Variants in RTKN observed in about 807,000 individuals in gnomAD.
RTKN encodes rhotekin.
RTKN carries 49 observed loss-of-function variants against 63.5 expected under a neutral mutation model. The ratio of observed to expected loss-of-function variants is 0.77; its 90% confidence interval spans 0.61 to 0.98. The LOEUF (loss-of-function observed/expected upper bound fraction) is 0.98. Ranked by LOEUF, RTKN falls within the 50% of genes least tolerant of loss-of-function variation. RTKN has a pLI of 0.00. For missense variants in RTKN, 685 were observed against 740.8 expected (o/e 0.92, Z 0.87); for synonymous variants, 295 against 290.4 (o/e 1.02, Z -0.16).
intron 6 of RTKN, among the ~76,000 whole-genome samples, chr2:74,429,351 G>C (rs1306212276): frequency 2.0e-5 from 3 of 152,244 alleles, no homozygotes; most frequent in African/African-American, 7.2e-5. Context: ...CCCATGCGGT[G>C]TCTCCAGGTG....
rs1670566458 is a variant in RTKN at position 74,428,744 on chromosome 2, G to C, written c.851-7C>G. Reference sequence around the variant, plus strand: ...AGCCAGGCAGGGTTCTCCTCTGGGGGAGGAGGAAGTGCAGGGTGAGGTAGG... The same window carrying C: ...AGCCAGGCAGGGTTCTCCTCTGGGGCAGGAGGAAGTGCAGGGTGAGGTAGG... On this transcript the variant is annotated splice_polypyrimidine_tract_variant and splice_region_variant and intron_variant, in intron 7 of 11. Coordinates refer to ENST00000272430, the MANE Select transcript of RTKN (RefSeq NM_001015055.2). 2 of 1,612,996 alleles carry C rather than the reference G, an allele frequency of 1.2e-6. No individual in the cohort carries two copies. Among genetic ancestry groups the C allele is most frequent in the Non-Finnish European group, 1.7e-6 (2 of 1,179,386 alleles).
Position 74,432,396 on chromosome 2 carries a change from C to G in RTKN, c.311+71G>C, listed in dbSNP as rs554626098. ...TTTAAGGTGGTCCACATGCCACACA[C>G]GCACATGCTGCACCACCACCACCCA... is the stretch of plus-strand genomic sequence containing the variant. On this transcript the variant is annotated intron_variant, in intron 2 of 11. Coordinates refer to ENST00000272430, the MANE Select transcript of RTKN (RefSeq NM_001015055.2). 2.8e-6 allele frequency: 4 copies of G among 1,404,260 alleles called. No homozygotes were observed. In the East Asian group the frequency reaches 6.8e-5, roughly 24 times the overall value. The allele number at this position is 1,404,260 out of a possible 1,614,324, so 87.0% of individuals were successfully genotyped here.
At chr2:74,428,811 T>TCA (rs767310246) in intron 7 of RTKN, 37 bp downstream of exon 7, 2 of 1,603,634 alleles carry the variant, frequency 1.2e-6, no homozygotes, top group Non-Finnish European at 1.7e-6. Context: ...CTTCTCACCA[T>TCA]CACATGTGTA....
At chr2:74,430,791 G>T in intron 2 of RTKN, 114 bp from the exon 3 acceptor site, 5 of 1,046,694 alleles carry the variant, frequency 4.8e-6, no homozygotes, top group Non-Finnish European at 6.8e-6. Flanking sequence ...CAGGTTCCCA[G>T]CCAGGCCGAC....
At chr2:74,428,115 G>A in intron 9 of RTKN, 153 bp downstream of exon 9, 1 of 907,316 alleles carries the variant, frequency 1.1e-6, no homozygotes, top group Non-Finnish European at 1.7e-6. Flanking sequence ...CTGTAGTTGG[G>A]GAAAATACGG....
At chr2:74,431,408 G>C (rs1645584500) in intron 2 of RTKN, among the ~76,000 whole-genome samples, 1 of 152,148 alleles carries the variant, frequency 6.6e-6, no homozygotes, top group African/African-American at 2.4e-5. Flanking sequence ...TGAAGCGACT[G>C]CCAGTTCATC....
intron 1 of RTKN, among the ~76,000 whole-genome samples, chr2:74,441,166 G>C (rs1671345604): frequency 6.6e-6 from 1 of 152,220 alleles, no homozygotes; most frequent in African/African-American, 2.4e-5. Context: ...TTGCGTGTGG[G>C]AAGTAACCCC....
chr2:74,431,338 C>T (rs1435690005), intron 2 of RTKN, among the ~76,000 whole-genome samples: 3 of 152,098 alleles, frequency 2.0e-5, no homozygotes, highest in African/African-American at 4.8e-5. Context: ...CTGCAGGGCC[C>T]GACACCCCAC....
intron 2 of RTKN, among the ~76,000 whole-genome samples, chr2:74,431,136 G>A (rs1266213943): frequency 6.6e-6 from 1 of 151,820 alleles, no homozygotes; most frequent in Non-Finnish European, 1.5e-5. Context: ...ATATAGGAGG[G>A]TACTGGGTCA....
chr2:74,432,560 T>C lies in RTKN; in HGVS notation c.218A>G (p.Lys73Arg), dbSNP rs371451515. 6 of 1,613,996 alleles carry C rather than the reference T, an allele frequency of 3.7e-6. No homozygotes were observed. In the African/African-American group the frequency reaches 8.0e-5, roughly 22 times the overall value. ...SQREQALEATKSLLVCNSRIL... is the reference protein window; with the variant it reads ...SQREQALEATRSLLVCNSRIL... ...GCGGCTGTTGCACACTAGCAGGCTC[T>C]TGGTGGCCTCCAGAGCCTGCTCTCG... Residue 73 changes from lysine to arginine, a missense_variant, in exon 2 of 12, where the codon AAG becomes AGG. Lys to Arg is a conservative substitution (Grantham distance 26). Coordinates refer to ENST00000272430, the MANE Select transcript of RTKN (RefSeq NM_001015055.2).
At position 74,436,879 on chromosome 2, in the gene RTKN, C is replaced by T. The variant is rs1388120780; in HGVS notation, c.112-4213G>A. The stretch of plus-strand genomic sequence containing the variant: ...CCCAGGGATAGTTCCTTGTTGCCCC[C>T]TCCCCACCCAAACACACCCTCTCCC... On this transcript the variant is annotated intron_variant, in intron 1 of 11. Transcript: ENST00000272430. This position sits in a 1 kb window ranked among gnomAD's most constrained non-coding sequence, Gnocchi z 4.3. Among the ~76,000 whole-genome samples the T allele has an allele frequency of 6.6e-6, 1 of 152,166 alleles. No individual in the cohort carries two copies. Among genetic ancestry groups the T allele is most frequent in the East Asian group, 1.9e-4 (1 of 5,190 alleles).
Position 74,436,326 on chromosome 2 carries a change from ACCG to A in RTKN, c.112-3663_112-3661del, listed in dbSNP as rs1671059812. On this transcript the variant is annotated intron_variant, in intron 1 of 11. Transcript: ENST00000272430. This position sits in a 1 kb window ranked among gnomAD's most constrained non-coding sequence, Gnocchi z 4.3. The stretch of plus-strand genomic sequence containing the variant: ...GGAGCCAGGGCGCCAGCATAGCTGC[ACCG>A]CCTCCAGCTGCAGCGCTCAGGACGC... Among the ~76,000 whole-genome samples the A allele has an allele frequency of 6.6e-6, 1 of 152,318 alleles. No individual in the cohort carries two copies. Among genetic ancestry groups the A allele is most frequent in the African/African-American group, 2.4e-5 (1 of 41,560 alleles).
chr2:74,426,221 C>T lies in RTKN; in HGVS notation c.*22G>A, dbSNP rs373672057. 910 of 1,605,930 alleles carry T rather than the reference C, an allele frequency of 5.7e-4. 2 individuals are homozygous for T. The Middle Eastern group carries it at 9.8e-3, about 17-fold the overall frequency. On this transcript the variant is annotated 3_prime_UTR_variant, in exon 12 of 12. Transcript: ENST00000272430. ...GGGTCATTTTCTCTTCTGGGCAGAT[C>T]CTATGCCAGCACCTTTCTCTCTCAC...
chr2:74,429,441 T>C (rs1170736626), intron 6 of RTKN, among the ~76,000 whole-genome samples: 1 of 152,186 alleles, frequency 6.6e-6, no homozygotes, highest in Non-Finnish European at 1.5e-5. Context: ...ATGTATTTGC[T>C]AGGCTGAGTG....
intron 1 of RTKN, 50 bp downstream of exon 1, chr2:74,441,656 G>A (rs1314119200): frequency 7.2e-7 from 1 of 1,384,312 alleles, no homozygotes; most frequent in South Asian, 1.2e-5. Context: ...GGTGGCTGGG[G>A]CTGCCCCCGG....
chr2:74,437,795 C>T (rs1313050162), intron 1 of RTKN, among the ~76,000 whole-genome samples: 1 of 152,160 alleles, frequency 6.6e-6, no homozygotes, highest in Non-Finnish European at 1.5e-5. Context: ...GGTAGAGTCC[C>T]AACGAGTTCA....
rs559938608 is a variant in RTKN, at chr2:74,439,720, CA to C, written c.111+1985del. The C allele has an allele frequency of 8.8e-5, 137 of 1,563,938 alleles. No individual in the cohort carries two copies. In the East Asian group the frequency reaches 3.1e-3, roughly 36 times the overall value. ...ACAGTTCCTCCTCCCACTGTTCCCT[CA>C]GTCTTTAAAGAGGTGGCCAGCTCTT... is the stretch of plus-strand genomic sequence containing the variant. On this transcript the variant is annotated intron_variant, in intron 1 of 11. Coordinates refer to ENST00000272430, the MANE Select transcript of RTKN (RefSeq NM_001015055.2).
chr2:74,431,068 T>TA lies in RTKN; in HGVS notation c.312-392_312-391insT, dbSNP rs200828016. The TA allele has an allele frequency of 3.6e-3, 646 of 181,930 alleles. 2 individuals carry two copies. The highest frequency in any genetic ancestry group is 5.1e-3 in the Non-Finnish European group (440 of 86,834). 11.3% of individuals were successfully genotyped at this position (181,930 alleles called of 1,614,324 possible). A position where few individuals can be genotyped will look rare whatever the true frequency, so the allele number is the denominator to read the frequency against. On this transcript the variant is annotated intron_variant, in intron 2 of 11. Transcript: ENST00000272430. The stretch of plus-strand genomic sequence containing the variant: ...CTTAGAGGGGTCTCCAGTCTTTATT[T>TA]TTTTTTTTTTTAACAATAGGAAAGC...
Position 74,429,864 on chromosome 2 carries a change from C to T in RTKN, c.719G>A (p.Gly240Glu), listed in dbSNP as rs776042708. 1.2e-6 allele frequency: 2 copies of T among 1,614,198 alleles called. No homozygotes were observed. The change falls in exon 6 of 12, where the codon GGG becomes GAG. Residue 240 changes from glycine (G) to glutamate (E), a missense_variant. Coordinates refer to ENST00000272430, the MANE Select transcript of RTKN (RefSeq NM_001015055.2). ...GGTGGGGAGCAAGATGGGACTGCTC[C>T]CTGAACCCCCAGCACTGTCCAGCGA... Reference protein sequence around the residue: ...RASLDSAGGSGSSPILLPTPV... With the variant: ...RASLDSAGGSESSPILLPTPV...
Sources: gnomAD v4.1 joint callset for allele counts (sites outside exome capture counted in the v4.1 genomes callset) on GRCh38, gnomAD v4.1.1 for gene constraint, Gnocchi (gnomAD v3.1) non-coding constraint, MANE v1.5 for transcripts, NCBI Gene and HGNC (gene_info 2026-07-23, HGNC 2026-07-21) for gene names.